The following SYNRG variants were observed in gnomAD, a reference collection of about 807,000 sequenced individuals.
The protein encoded by SYNRG is synergin gamma.
Under a neutral mutation model 130.9 loss-of-function variants are expected in SYNRG, and 37 were observed. The observed-to-expected ratio is 0.28, with a 90% CI of 0.22 to 0.37. The LOEUF (loss-of-function observed/expected upper bound fraction) is 0.37. Ranked by LOEUF, SYNRG falls within the 10% of genes least tolerant of loss-of-function variation. SYNRG has a pLI of 1.00. For missense variants in SYNRG, 1,338 were observed against 1,588.9 expected (o/e 0.84, Z 2.68); for synonymous variants, 539 against 568.1 (o/e 0.95, Z 0.73).
intron 3 of SYNRG, among the ~76,000 whole-genome samples, chr17:37,591,951 T>G (rs2062229856): frequency 6.6e-6 from 1 of 152,142 alleles, no homozygotes; most frequent in South Asian, 2.1e-4. Flanking sequence ...AACTGGTAAA[T>G]TAAATTTCAT....
chr17:37,545,047 C>T (rs139017987), intron 14 of SYNRG, among the ~76,000 whole-genome samples: 8,631 of 151,640 alleles, frequency 0.057, 804 homozygotes, highest in African/African-American at 0.19. Context: ...TGGAGAAACC[C>T]TGTCTCTACT....
chr17:37,576,478 C>T, intron 7 of SYNRG, 60 bp from the exon 8 acceptor site: 1 of 1,508,914 alleles, frequency 6.6e-7, no homozygotes. Context: ...CGAAATCACA[C>T]TGAGTCATGG....
At chr17:37,533,915 CA>C (rs2056912920) in intron 19 of SYNRG, among the ~76,000 whole-genome samples, 1 of 113,196 alleles carries the variant, frequency 8.8e-6, no homozygotes, top group African/African-American at 3.2e-5. Context: ...TTCTAAACTT[CA>C]TTTTCTTTTC....
chr17:37,520,343 G>C, intron 20 of SYNRG, 129 bp from the exon 21 acceptor site: 3 of 1,274,508 alleles, frequency 2.4e-6, no homozygotes, highest in Non-Finnish European at 3.4e-6. Flanking sequence ...GCAGGCATGA[G>C]AGCCGCGTCC....
chr17:37,550,359 C>G (rs996297441), intron 14 of SYNRG, among the ~76,000 whole-genome samples: 1 of 152,136 alleles, frequency 6.6e-6, no homozygotes, highest in African/African-American at 2.4e-5. Context: ...CCAATACTTT[C>G]TCAGGAGACA....
intron 1 of SYNRG, among the ~76,000 whole-genome samples, chr17:37,607,200 A>T (rs2063824691): frequency 6.6e-6 from 1 of 152,172 alleles, no homozygotes; most frequent in South Asian, 2.1e-4. Flanking sequence ...AAAGGGGGGA[A>T]ATTTTAAAAT....
Position 37,563,357 on chromosome 17 carries a change from T to G in SYNRG, c.1482-1768A>C, listed in dbSNP as rs73984264. On this transcript the variant is annotated intron_variant, in intron 11 of 21. Coordinates refer to ENST00000612223, the MANE Select transcript of SYNRG (RefSeq NM_007247.6). ...TTCGGCCACAAAAAAGTATTTTACA[T>G]TTTCTCTAGTGAATCTATTAGTGTT... Among the ~76,000 whole-genome samples, 764 of 152,330 alleles carry G rather than the reference T, an allele frequency of 5.0e-3. 11 individuals are homozygous for G. Among genetic ancestry groups the G allele is most frequent in the African/African-American group, 0.018 (740 of 41,568 alleles).
At chr17:37,598,885 A>G (rs1480125482) in intron 2 of SYNRG, among the ~76,000 whole-genome samples, 2 of 152,246 alleles carry the variant, frequency 1.3e-5, no homozygotes, top group African/African-American at 4.8e-5. Context: ...ATACCTTCCT[A>G]AAGAACAAAA....
At position 37,577,384 on chromosome 17, in the gene SYNRG, C is replaced by T. The variant is rs956299735; in HGVS notation, c.819G>A (p.Glu273=). 5.0e-6 allele frequency: 8 copies of T among 1,613,996 alleles called. No homozygotes were observed. Among genetic ancestry groups the T allele is most frequent in the African/African-American group, 1.3e-5 (1 of 74,938 alleles). Residue 273 remains glutamate (E), a synonymous_variant, in exon 7 of 22, where the codon GAG becomes GAA. Transcript: ENST00000612223. Reference sequence around the variant, plus strand: ...CTGAATGCTTCACGAGCTCACCACTCTCTTCAATTGACAGGTTTTGATCTG... The same window carrying T: ...CTGAATGCTTCACGAGCTCACCACTTTCTTCAATTGACAGGTTTTGATCTG... ...NTSDQNLSIE[E]SGVGVFPSQD...
chr17:37,532,116 T>C (rs751814262), intron 19 of SYNRG, among the ~76,000 whole-genome samples: 2 of 152,262 alleles, frequency 1.3e-5, no homozygotes, highest in South Asian at 2.1e-4. Context: ...TCTGAATGCA[T>C]ATTAAGTCCT....
Position 37,536,064 on chromosome 17 carries a change from C to A in SYNRG, c.3581G>T (p.Cys1194Phe), listed in dbSNP as rs1221787686. The change falls in exon 19 of 22, where the codon TGC becomes TTC. Residue 1194 changes from cysteine to phenylalanine, a missense_variant. Around this residue, in one of 3 missense-constraint regions of SYNRG, gnomAD observed 1,146 missense variants for 1,342.3 expected, o/e 0.85. Transcript: ENST00000612223. Reference protein sequence around the residue: ...VELGIKATAVCSEKLQQLLKD... With the variant: ...VELGIKATAVFSEKLQQLLKD... The stretch of plus-strand genomic sequence containing the variant: ...CAGCAACTGCTGGAGTTTCTCACTG[C>A]ACACTGCAGTGGCTTTTATCCCCAG... The A allele has an allele frequency of 6.2e-7, 1 of 1,614,130 alleles. No homozygotes were observed. The highest frequency in any genetic ancestry group is 2.2e-5 in the East Asian group (1 of 44,884).
chr17:37,544,200 A>C (rs2058050150), intron 14 of SYNRG, among the ~76,000 whole-genome samples: 1 of 152,252 alleles, frequency 6.6e-6, no homozygotes, highest in African/African-American at 2.4e-5. Context: ...AGCAAAAAGC[A>C]AACAGCTTTC....
intron 2 of SYNRG, among the ~76,000 whole-genome samples, chr17:37,598,711 TA>T (rs952714934): frequency 6.6e-6 from 1 of 151,544 alleles, no homozygotes; most frequent in African/African-American, 2.4e-5. Context: ...TAACAACTGT[TA>T]AAAAAAAATC....
At chr17:37,600,681 T>C in intron 1 of SYNRG, 1 of 544,340 alleles carries the variant, frequency 1.8e-6, no homozygotes, top group Non-Finnish European at 3.3e-6. Flanking sequence ...TTTCCCCATC[T>C]ATAAAATGAG....
At chr17:37,533,536 A>AT (rs1387598426) in intron 19 of SYNRG, among the ~76,000 whole-genome samples, 1 of 150,114 alleles carries the variant, frequency 6.7e-6, no homozygotes, top group South Asian at 2.1e-4. Flanking sequence ...TTAGTTAATA[A>AT]TTTTTTTAAA....
rs1471064296 is a variant in SYNRG, at chr17:37,515,570, T to C, written c.*3370A>G. 6.6e-6 allele frequency: 1 copy of C among 152,370 alleles called. No individual in the cohort carries two copies. The highest frequency in any genetic ancestry group is 2.4e-5 in the African/African-American group (1 of 41,470). 9.4% of individuals were successfully genotyped at this position (152,370 alleles called of 1,614,324 possible). ...GCCTCTCTGGTTCAAGCAATTCTCC[T>C]GCCTCAGCCTCCCGAGTAGCTCGGA... On this transcript the variant is annotated 3_prime_UTR_variant, in exon 22 of 22. Transcript: ENST00000612223.
chr17:37,563,744 C>T (rs2059714003), intron 11 of SYNRG, among the ~76,000 whole-genome samples: 1 of 151,978 alleles, frequency 6.6e-6, no homozygotes, highest in Admixed American at 6.6e-5. Flanking sequence ...CATAGGTTGT[C>T]CAGGATCAAG....
chr17:37,519,351 A>C (rs575374385), intron 21 of SYNRG, among the ~76,000 whole-genome samples: 1 of 152,132 alleles, frequency 6.6e-6, no homozygotes, highest in African/African-American at 2.4e-5. Context: ...GAGGGGGGGA[A>C]TCATGATAAG....
chr17:37,604,097 T>C (rs1718428830), intron 1 of SYNRG, among the ~76,000 whole-genome samples: 1 of 151,956 alleles, frequency 6.6e-6, no homozygotes, highest in African/African-American at 2.4e-5. Context: ...AAAATTAGCC[T>C]GGCGTGGTGG....
Sources: gnomAD v4.1 joint callset for allele counts (sites outside exome capture counted in the v4.1 genomes callset) on GRCh38, gnomAD v4.1.1 for gene constraint, gnomAD v4.1.1 regional missense constraint, MANE v1.5 for transcripts, NCBI Gene and HGNC (gene_info 2026-07-23, HGNC 2026-07-21) for gene names.